ITCH: variants seen among roughly 807,000 people sequenced by gnomAD.
The protein encoded by ITCH is E3 ubiquitin-protein ligase Itchy homolog.
In ITCH, 28 loss-of-function variants were observed where a neutral mutation model predicts 126.8. The observed-to-expected ratio is 0.22, with a 90% CI of 0.16 to 0.30. The LOEUF is 0.30. ITCH is among the 10% of genes least tolerant of loss of function. ITCH has a pLI of 1.00. For missense variants in ITCH, 631 were observed against 1,032.4 expected (o/e 0.61, Z 5.33); for synonymous variants, 342 against 340.0 (o/e 1.01, Z -0.06).
chr20:34,438,518 G>T lies in ITCH; in HGVS notation c.566G>T (p.Gly189Val), dbSNP rs368544131. ...GATGACCCTGAAGATGCAGGAGCTG[G>T]TGAAAATAGGAGAGTCAGTGGGAAT... ...GSDDPEDAGA[G>V]ENRRVSGNNS... Residue 189 changes from glycine (G) to valine (V), a missense_variant, in exon 8 of 25, where the codon GGT becomes GTT. Gly to Val is a moderately radical substitution (Grantham distance 109). This residue lies in a region of ITCH where 220 missense variants were observed against 265.7 expected (regional missense o/e 0.83). Coordinates refer to ENST00000374864, the MANE Select transcript of ITCH (RefSeq NM_031483.7). 3 of 1,613,844 alleles carry T rather than the reference G, an allele frequency of 1.9e-6. No individual in the cohort carries two copies. The African/African-American group carries it at 4.0e-5, about 22-fold the overall frequency.
chr20:34,388,454 A>T (rs2038369436), intron 2 of ITCH, among the ~76,000 whole-genome samples: 1 of 151,900 alleles, frequency 6.6e-6, no homozygotes, highest in Admixed American at 6.6e-5. Context: ...GCCTTATCAC[A>T]GCTCACTGCA....
intron 14 of ITCH, chr20:34,466,418 ATTAC>A: frequency 1.9e-6 from 1 of 524,310 alleles, no homozygotes; most frequent in Non-Finnish European, 3.9e-6. Flanking sequence ...ATGGTTCCCT[ATTAC>A]TTTCTAATTT....
At chr20:34,454,198 C>T (rs1478070846) in intron 12 of ITCH, among the ~76,000 whole-genome samples, 11 of 147,242 alleles carry the variant, frequency 7.5e-5, no homozygotes, top group Non-Finnish European at 1.2e-4. Context: ...AGTGCAGTGG[C>T]GCGATCTCGG....
intron 2 of ITCH, among the ~76,000 whole-genome samples, chr20:34,384,784 C>T (rs1389962069): frequency 2.0e-5 from 3 of 151,698 alleles, no homozygotes; most frequent in Non-Finnish European, 4.4e-5. Flanking sequence ...CCTCAGCCTC[C>T]CAAGTACCTG....
intron 4 of ITCH, among the ~76,000 whole-genome samples, chr20:34,410,278 G>T (rs1978812017): frequency 6.6e-6 from 1 of 151,846 alleles, no homozygotes; most frequent in African/African-American, 2.4e-5. Context: ...TGAGACAGGA[G>T]AATTGGTTGA....
intron 14 of ITCH, among the ~76,000 whole-genome samples, chr20:34,468,190 A>T (rs935569283): frequency 6.6e-6 from 1 of 151,710 alleles, no homozygotes; most frequent in Non-Finnish European, 1.5e-5. Context: ...GCCCGCCACC[A>T]CACCTGGCTA....
At chr20:34,507,054 T>C (rs1469861776) in intron 24 of ITCH, among the ~76,000 whole-genome samples, 3 of 152,210 alleles carry the variant, frequency 2.0e-5, no homozygotes, top group Non-Finnish European at 4.4e-5. Flanking sequence ...TATAGATATA[T>C]CTGTCCATGG....
chr20:34,368,535 ATTAG>A (rs942566411), intron 1 of ITCH, among the ~76,000 whole-genome samples: 34 of 152,150 alleles, frequency 2.2e-4, no homozygotes, highest in African/African-American at 7.5e-4. Context: ...GTCAATATAA[ATTAG>A]TTAGGGGGTT....
At chr20:34,365,597 AG>A (rs2037392061) in intron 1 of ITCH, among the ~76,000 whole-genome samples, 1 of 152,006 alleles carries the variant, frequency 6.6e-6, no homozygotes, top group South Asian at 2.1e-4. Context: ...TGTATTTTTT[AG>A]TAGAGATGGG....
intron 11 of ITCH, among the ~76,000 whole-genome samples, chr20:34,446,414 C>G (rs1344465662): frequency 6.6e-6 from 1 of 152,086 alleles, no homozygotes; most frequent in Non-Finnish European, 1.5e-5. Context: ...CTTGTCTATT[C>G]CTTATACCTC....
intron 14 of ITCH, among the ~76,000 whole-genome samples, chr20:34,463,772 A>C (rs1044528852): frequency 5.4e-5 from 8 of 149,400 alleles, no homozygotes; most frequent in Non-Finnish European, 1.0e-4. Context: ...ATGTCTCTTC[A>C]AGTCCTTTGC....
In ITCH at chr20:34,486,097, C is replaced by G. The variant is rs554638532; in HGVS notation, c.2094-3169C>G. 4.6e-5 allele frequency among the ~76,000 whole-genome samples: 7 copies of G among 152,064 alleles called. No individual in the cohort carries two copies. In the South Asian group the frequency reaches 1.2e-3, roughly 27 times the overall value. ...TGGTAGAGTCATGGTTCACTGTAGC[C>G]TCAACCTCCTGAGCTCCAGATAGCC... On this transcript the variant is annotated intron_variant, in intron 20 of 24. Coordinates refer to ENST00000374864, the MANE Select transcript of ITCH (RefSeq NM_031483.7).
intron 2 of ITCH, among the ~76,000 whole-genome samples, chr20:34,372,445 A>G (rs1327023397): frequency 2.4e-5 from 3 of 125,728 alleles, no homozygotes; most frequent in Non-Finnish European, 4.7e-5. Flanking sequence ...CAGTGGCGCA[A>G]TCTCAGCTCA....
chr20:34,430,194 A>G (rs1982093667), intron 7 of ITCH, among the ~76,000 whole-genome samples: 1 of 152,174 alleles, frequency 6.6e-6, no homozygotes, highest in Non-Finnish European at 1.5e-5. Context: ...ATAGGTGATG[A>G]GAAAACAAGC....
chr20:34,433,633 G>A (rs1239474920), intron 7 of ITCH, among the ~76,000 whole-genome samples: 2 of 148,996 alleles, frequency 1.3e-5, no homozygotes, highest in Non-Finnish European at 3.0e-5. Context: ...CTCCAGCCTG[G>A]GCAACAGAGT....
At chr20:34,489,670 T>G (rs1989377126) in intron 21 of ITCH, 152 bp from the exon 22 acceptor site, 1 of 704,234 alleles carries the variant, frequency 1.4e-6, no homozygotes, top group South Asian at 1.5e-5. Context: ...CTTGCCTTCA[T>G]GAGCAATGTA....
intron 3 of ITCH, among the ~76,000 whole-genome samples, chr20:34,403,836 C>G (rs1197833879): frequency 6.6e-6 from 1 of 152,030 alleles, no homozygotes; most frequent in Admixed American, 6.6e-5. Context: ...GTAGAGGGAG[C>G]AGCATGTTTA....
Position 34,385,046 on chromosome 20 carries a change from A to T in ITCH, c.-21-8745A>T, listed in dbSNP as rs142745556. The stretch of plus-strand genomic sequence containing the variant: ...TTTTTTTTTTTTAAGACCGAGTCTC[A>T]CTCTGTCGCTCAGGTTGGAGTGCAG... On this transcript the variant is annotated intron_variant, in intron 2 of 24. Transcript: ENST00000374864. 2.1e-5 allele frequency among the ~76,000 whole-genome samples: 3 copies of T among 143,624 alleles called. No individual in the cohort carries two copies. The East Asian group carries it at 6.4e-4, about 31-fold the overall frequency. 94.2% of individuals were successfully genotyped at this position (143,624 alleles called of 152,430 possible). A position where few individuals can be genotyped will look rare whatever the true frequency, so the allele number is the denominator to read the frequency against.
intron 12 of ITCH, among the ~76,000 whole-genome samples, chr20:34,455,107 A>G (rs1985752655): frequency 6.6e-6 from 1 of 152,170 alleles, no homozygotes. Context: ...CTGGGATTAC[A>G]GGCGTGAGCC....
Sources: gnomAD v4.1 joint callset for allele counts (sites outside exome capture counted in the v4.1 genomes callset) on GRCh38, gnomAD v4.1.1 for gene constraint, gnomAD v4.1.1 regional missense constraint, MANE v1.5 for transcripts, NCBI Gene and HGNC (gene_info 2026-07-23, HGNC 2026-07-21) for gene names.